The following MRTFA variants were observed in gnomAD, a reference collection of about 807,000 sequenced individuals.
The protein encoded by MRTFA is myocardin-related transcription factor A.
MRTFA carries 20 observed loss-of-function variants against 83.5 expected under a neutral mutation model. The observed-to-expected ratio is 0.24, with a 90% CI of 0.17 to 0.35. MRTFA has a LOEUF of 0.35. Among genes scored for constraint, MRTFA ranks in the 10% least tolerant of loss-of-function variants. The probability of loss-of-function intolerance (pLI) is 1.00; values close to 1 mark genes in which losing one functional copy is unlikely to be tolerated. For missense variants in MRTFA, 1,200 were observed against 1,224.7 expected (o/e 0.98, Z 0.30); for synonymous variants, 659 against 541.2 (o/e 1.22, Z -3.02).
At chr22:40,579,487 G>C (rs566646116) in intron 2 of MRTFA, among the ~76,000 whole-genome samples, 36 of 152,242 alleles carry the variant, frequency 2.4e-4, no homozygotes, top group African/African-American at 3.1e-4. Context: ...GCCTTCCTCA[G>C]AATCAAAGTA....
chr22:40,429,201 C>T (rs780398243), intron 7 of MRTFA: 2 of 570,774 alleles, frequency 3.5e-6, no homozygotes, highest in Non-Finnish European at 3.1e-6. Context: ...GTGAAATATC[C>T]GTGGAAAGGG....
At chr22:40,443,267 AAAAC>A (rs1484609222) in intron 4 of MRTFA, among the ~76,000 whole-genome samples, 1 of 152,100 alleles carries the variant, frequency 6.6e-6, no homozygotes, top group African/African-American at 2.4e-5. Flanking sequence ...AACAAAAACA[AAAAC>A]AAACAAAAAA....
intron 3 of MRTFA, among the ~76,000 whole-genome samples, chr22:40,506,173 G>C (rs930558932): frequency 2.6e-5 from 4 of 152,190 alleles, no homozygotes; most frequent in African/African-American, 9.7e-5. Flanking sequence ...GGCGGAGCTT[G>C]CAGTGAGCCG....
intron 4 of MRTFA, among the ~76,000 whole-genome samples, chr22:40,460,426 T>C (rs1298253767): frequency 2.6e-5 from 4 of 152,220 alleles, no homozygotes; most frequent in Non-Finnish European, 4.4e-5. Flanking sequence ...CTCTCAGAAT[T>C]AGTGCTGTAA....
chr22:40,623,395 T>C (rs926110553), intron 1 of MRTFA, among the ~76,000 whole-genome samples: 1 of 152,116 alleles, frequency 6.6e-6, no homozygotes, highest in Non-Finnish European at 1.5e-5. Context: ...TATGTATACA[T>C]GTGCCATGCT....
chr22:40,411,832 G>A lies in MRTFA; in HGVS notation c.2654C>T (p.Ser885Phe), dbSNP rs774803635. Reference sequence around the variant, plus strand: ...AGGTGATGGCTGTGCTGCCAGGGGGGACCCACAGACTGTCTTCGGGGATGG... The same window carrying A: ...AGGTGATGGCTGTGCTGCCAGGGGGAACCCACAGACTGTCTTCGGGGATGG... The change falls in exon 15 of 15, where the codon TCC becomes TTC. Residue 885 changes from serine (S) to phenylalanine (F), a missense_variant. Around this residue, in one of 2 missense-constraint regions of MRTFA, gnomAD observed 1,107 missense variants for 1,041.8 expected, o/e 1.06. Coordinates refer to ENST00000355630, the MANE Select transcript of MRTFA (RefSeq NM_020831.6). The A allele has an allele frequency of 2.0e-6, 3 of 1,508,836 alleles. No homozygotes were observed. Among genetic ancestry groups the A allele is most frequent in the Non-Finnish European group, 1.8e-6 (2 of 1,126,110 alleles). The allele number at this position is 1,508,836 out of a possible 1,614,324, so 93.5% of individuals were successfully genotyped here.
intron 2 of MRTFA, among the ~76,000 whole-genome samples, chr22:40,559,193 A>G (rs537748082): frequency 6.6e-6 from 1 of 152,256 alleles, no homozygotes; most frequent in South Asian, 2.1e-4. Context: ...AGCTCAAGAC[A>G]ATCCTGGGCA....
At chr22:40,603,147 C>T (rs946944043) in intron 1 of MRTFA, among the ~76,000 whole-genome samples, 7 of 152,124 alleles carry the variant, frequency 4.6e-5, no homozygotes, top group South Asian at 2.1e-4. Context: ...TCCCTCTGGC[C>T]GAAGCTCTAA....
At chr22:40,478,581 C>T (rs1459423016) in intron 3 of MRTFA, among the ~76,000 whole-genome samples, 1 of 152,100 alleles carries the variant, frequency 6.6e-6, no homozygotes, top group Non-Finnish European at 1.5e-5. Flanking sequence ...CCTATGAAAC[C>T]TCCACTCCTA....
At chr22:40,533,661 C>T (rs2147279827) in intron 3 of MRTFA, 1 of 1,220,500 alleles carries the variant, frequency 8.2e-7, no homozygotes, top group Non-Finnish European at 1.0e-6. Context: ...AAACAAAAAT[C>T]CACAAATATA....
intron 4 of MRTFA, among the ~76,000 whole-genome samples, chr22:40,458,017 G>GC (rs2053627393): frequency 6.6e-6 from 1 of 152,170 alleles, no homozygotes; most frequent in Admixed American, 6.5e-5. Context: ...ACATCAAAGA[G>GC]AAAGGCTTCA....
chr22:40,420,548 CGCT>C lies in MRTFA; in HGVS notation c.1207_1209del (p.Ser403del), dbSNP rs1569253854. ...GAGAGGCTGCGTACTGGGGGGGTCC[CGCT>C]GCTTCCCAGGGCCTCGCCTGCTGAC... On this transcript the variant is annotated inframe_deletion, in exon 11 of 15. Coordinates refer to ENST00000355630, the MANE Select transcript of MRTFA (RefSeq NM_020831.6). 1 of 1,613,540 alleles carries C rather than the reference CGCT, an allele frequency of 6.2e-7. No homozygotes were observed. The highest frequency in any genetic ancestry group is 1.7e-5 in the Admixed American group (1 of 60,030).
intron 4 of MRTFA, among the ~76,000 whole-genome samples, chr22:40,452,216 C>G (rs192439158): frequency 6.6e-6 from 1 of 152,160 alleles, no homozygotes; most frequent in Admixed American, 6.5e-5. Context: ...GATCTGTTGA[C>G]CTCGTGATCC....
intron 1 of MRTFA, among the ~76,000 whole-genome samples, chr22:40,613,703 A>ATT (rs1556025713): frequency 6.6e-6 from 1 of 151,596 alleles, no homozygotes; most frequent in African/African-American, 2.4e-5. Context: ...AAAAAAAAAA[A>ATT]TTTTTCCAGC....
intron 3 of MRTFA, among the ~76,000 whole-genome samples, chr22:40,481,984 C>T (rs1368005559): frequency 6.6e-6 from 1 of 150,690 alleles, no homozygotes; most frequent in Non-Finnish European, 1.5e-5. Context: ...CGCTGGAACC[C>T]GGGAGGCAGA....
At chr22:40,606,141 C>G (rs1427797527) in intron 1 of MRTFA, among the ~76,000 whole-genome samples, 1 of 151,954 alleles carries the variant, frequency 6.6e-6, no homozygotes, top group African/African-American at 2.4e-5. Flanking sequence ...TCTCAGAAAG[C>G]TGCCTAAAGC....
intron 3 of MRTFA, among the ~76,000 whole-genome samples, chr22:40,512,974 A>G (rs1166960126): frequency 6.6e-6 from 1 of 152,236 alleles, no homozygotes; most frequent in Non-Finnish European, 1.5e-5. Context: ...CTATTTTGCT[A>G]TGAAAAGAAA....
intron 4 of MRTFA, among the ~76,000 whole-genome samples, chr22:40,459,239 CAAAA>C (rs59958160): frequency 1.1e-5 from 1 of 87,106 alleles, no homozygotes; most frequent in Non-Finnish European, 2.2e-5. Flanking sequence ...AGGGGTCTGG[CAAAA>C]AAAAAAAAAA....
At chr22:40,415,904 G>A (rs58715731) in intron 14 of MRTFA, among the ~76,000 whole-genome samples, 5,550 of 151,630 alleles carry the variant, frequency 0.037, 334 homozygotes, top group African/African-American at 0.13. Flanking sequence ...TTGTCCTCCC[G>A]ACCCCCAAGG....
Sources: gnomAD v4.1 joint callset for allele counts (sites outside exome capture counted in the v4.1 genomes callset) on GRCh38, gnomAD v4.1.1 for gene constraint, gnomAD v4.1.1 regional missense constraint, MANE v1.5 for transcripts, NCBI Gene and HGNC (gene_info 2026-07-23, HGNC 2026-07-21) for gene names.